The following SNTG2 variants were observed in gnomAD, a reference collection of about 807,000 sequenced individuals.
SNTG2 encodes the protein syntrophin gamma 2, also known as gamma-2-syntrophin.
SNTG2 carries 74 observed loss-of-function variants against 70.9 expected under a neutral mutation model. The ratio of observed to expected loss-of-function variants is 1.04; its 90% CI spans 0.86 to 1.27. The LOEUF (loss-of-function observed/expected upper bound fraction) is 1.27, where lower values mean the gene tolerates loss of function less well. SNTG2 is among the 50% of genes most tolerant of loss of function. The pLI is 0.00. For synonymous variants in SNTG2, 278 were observed against 273.8 expected (o/e 1.02, Z -0.15); for missense variants, 717 against 690.7 (o/e 1.04, Z -0.43).
At chr2:951,498 A>T (rs1375342302) in intron 1 of SNTG2, among the ~76,000 whole-genome samples, 1 of 152,090 alleles carries the variant, frequency 6.6e-6, no homozygotes, top group Non-Finnish European at 1.5e-5. Flanking sequence ...GCCAGGTCTG[A>T]GTTGGCCAGT....
At chr2:1,163,979 G>C (rs576411222) in intron 6 of SNTG2, among the ~76,000 whole-genome samples, 33 of 152,316 alleles carry the variant, frequency 2.2e-4, no homozygotes, top group African/African-American at 7.5e-4. Flanking sequence ...GCTACATCAG[G>C]TGTCTTAGGG....
chr2:1,052,595 C>A (rs911007096), intron 1 of SNTG2, among the ~76,000 whole-genome samples: 14 of 152,168 alleles, frequency 9.2e-5, no homozygotes, highest in Admixed American at 2.6e-4. Context: ...TATTCTCTTT[C>A]CTTTTTCTTG....
At chr2:1,365,754 C>T (rs907655221) in intron 16 of SNTG2, among the ~76,000 whole-genome samples, 3 of 152,182 alleles carry the variant, frequency 2.0e-5, no homozygotes, top group Non-Finnish European at 4.4e-5. Flanking sequence ...AAGAGAGAAG[C>T]AGTTTCTAAA....
intron 7 of SNTG2, among the ~76,000 whole-genome samples, chr2:1,168,901 G>A (rs924242496): frequency 6.6e-6 from 1 of 152,170 alleles, no homozygotes. Flanking sequence ...TGTTAGCAAT[G>A]GGGCAAAGGT....
At chr2:1,191,757 T>G (rs1207778188) in intron 8 of SNTG2, among the ~76,000 whole-genome samples, 2 of 152,194 alleles carry the variant, frequency 1.3e-5, no homozygotes, top group African/African-American at 4.8e-5. Flanking sequence ...ATCGTGCCAC[T>G]GCACTCCAGC....
chr2:1,244,439 G>A (rs1677271056), intron 11 of SNTG2, among the ~76,000 whole-genome samples: 1 of 152,256 alleles, frequency 6.6e-6, no homozygotes, highest in Non-Finnish European at 1.5e-5. Context: ...GCTCACGCCT[G>A]TAATCCCAGC....
At chr2:1,069,337 A>T (rs1663365272) in intron 1 of SNTG2, among the ~76,000 whole-genome samples, 1 of 132,536 alleles carries the variant, frequency 7.5e-6, no homozygotes, top group African/African-American at 2.7e-5. Context: ...TCTTATATAA[A>T]TGAAAAAAAA....
intron 1 of SNTG2, chr2:1,059,074 C>T (rs2148108586): frequency 6.6e-6 from 1 of 152,380 alleles, no homozygotes; most frequent in East Asian, 1.9e-4. Flanking sequence ...AGTAGAAAAA[C>T]AGGAAAGCAA....
chr2:1,356,992 C>A (rs1232256914), intron 16 of SNTG2, among the ~76,000 whole-genome samples: 2 of 151,568 alleles, frequency 1.3e-5, no homozygotes, highest in Non-Finnish European at 2.9e-5. Context: ...CGTAGAAATG[C>A]AACTTTATTG....
chr2:1,256,418 A>C (rs1455256751), intron 12 of SNTG2: 2 of 152,162 alleles, frequency 1.3e-5, no homozygotes, highest in African/African-American at 2.4e-5. Flanking sequence ...CCTACCTCCT[A>C]TCTGAACTAC....
chr2:1,167,066 C>T (rs1243788943), intron 7 of SNTG2, among the ~76,000 whole-genome samples: 4 of 152,202 alleles, frequency 2.6e-5, no homozygotes, highest in Non-Finnish European at 4.4e-5. Flanking sequence ...GCAAGAACCC[C>T]GGGATACAGA....
chr2:1,103,303 TTGACA>T (rs777822371), intron 4 of SNTG2: 1 of 237,484 alleles, frequency 4.2e-6, no homozygotes, highest in Non-Finnish European at 9.0e-6. Context: ...ATAATTTTTC[TTGACA>T]TTAAATATCA....
chr2:1,185,687 G>A (rs987640730), intron 8 of SNTG2, among the ~76,000 whole-genome samples: 1 of 152,206 alleles, frequency 6.6e-6, no homozygotes, highest in African/African-American at 2.4e-5. Flanking sequence ...TGGGAGGCAG[G>A]GAGCAGTGTC....
chr2:1,002,324 A>T (rs1402230956), intron 1 of SNTG2, among the ~76,000 whole-genome samples: 1 of 152,212 alleles, frequency 6.6e-6, no homozygotes, highest in East Asian at 1.9e-4. Flanking sequence ...GACAACTTAT[A>T]GAATGGGGGA....
At chr2:1,111,632 A>G (rs989324013) in intron 4 of SNTG2, among the ~76,000 whole-genome samples, 1 of 152,374 alleles carries the variant, frequency 6.6e-6, no homozygotes, top group Admixed American at 6.5e-5. Context: ...TTAAATATAC[A>G]TAACACTTCA....
chr2:961,845 A>C (rs1047728256), intron 1 of SNTG2, among the ~76,000 whole-genome samples: 6 of 152,164 alleles, frequency 3.9e-5, no homozygotes, highest in Non-Finnish European at 7.3e-5. Flanking sequence ...TGCACACTTC[A>C]TGTGAAGCTG....
intron 8 of SNTG2, among the ~76,000 whole-genome samples, chr2:1,198,486 A>T (rs1349873229): frequency 6.6e-6 from 1 of 152,072 alleles, no homozygotes; most frequent in Non-Finnish European, 1.5e-5. Flanking sequence ...AAGTCAAGTA[A>T]ACAACCTTAT....
intron 7 of SNTG2, among the ~76,000 whole-genome samples, chr2:1,166,170 C>T (rs1482615632): frequency 2.0e-5 from 3 of 152,154 alleles, no homozygotes; most frequent in Non-Finnish European, 4.4e-5. Context: ...TAATGTTATT[C>T]AGCTGTCATG....
intron 4 of SNTG2, among the ~76,000 whole-genome samples, chr2:1,115,297 CTAAG>C (rs1401346905): frequency 1.5e-4 from 23 of 151,820 alleles, no homozygotes; most frequent in South Asian, 4.1e-4. Flanking sequence ...ATCGTGTGTA[CTAAG>C]TGAGTTTTAA....
Sources: gnomAD v4.1 joint callset for allele counts (sites outside exome capture counted in the v4.1 genomes callset) on GRCh38, gnomAD v4.1.1 for gene constraint, MANE v1.5 for transcripts, NCBI Gene and HGNC (gene_info 2026-07-23, HGNC 2026-07-21) for gene names.